NYAP2: variants seen among roughly 807,000 people sequenced by gnomAD.
NYAP2 encodes the protein neuronal tyrosine-phosphorylated phosphoinositide-3-kinase adapter 2.
NYAP2 carries 23 observed loss-of-function variants against 50.4 expected under a neutral mutation model. That is an observed-to-expected ratio of 0.46 (90% CI 0.33 to 0.65). NYAP2 has a LOEUF of 0.65. NYAP2 is among the 30% of genes least tolerant of loss of function. The pLI is 0.02. For missense variants in NYAP2, 885 were observed against 861.0 expected, an observed-to-expected ratio of 1.03 and a Z score of -0.35; for synonymous variants, 394 against 365.2, an observed-to-expected ratio of 1.08 and a Z score of -0.90.
intron 5 of NYAP2, among the ~76,000 whole-genome samples, chr2:225,623,261 G>C (rs1327223484): frequency 6.6e-6 from 1 of 152,110 alleles, no homozygotes; most frequent in Non-Finnish European, 1.5e-5. Context: ...AGGCTTTATG[G>C]GGGAAAAAAT....
chr2:225,638,390 T>TG (rs1165428659), intron 6 of NYAP2, among the ~76,000 whole-genome samples: 3 of 152,030 alleles, frequency 2.0e-5, no homozygotes, highest in Non-Finnish European at 4.4e-5. Context: ...CACAAGAGAC[T>TG]GGGTGAATGG....
intron 5 of NYAP2, among the ~76,000 whole-genome samples, chr2:225,594,692 T>C (rs184341439): frequency 1.4e-3 from 218 of 152,332 alleles, no homozygotes; most frequent in Non-Finnish European, 1.0e-3. Context: ...GAAAAGCTTT[T>C]CTCAGTTTTT....
intron 6 of NYAP2, among the ~76,000 whole-genome samples, chr2:225,635,812 A>G (rs1204434185): frequency 6.6e-6 from 1 of 152,198 alleles, no homozygotes; most frequent in Non-Finnish European, 1.5e-5. Flanking sequence ...GTTATCAAAT[A>G]AGTAATCCTA....
chr2:225,616,321 A>G (rs931166966), intron 5 of NYAP2, among the ~76,000 whole-genome samples: 3 of 152,204 alleles, frequency 2.0e-5, no homozygotes, highest in Non-Finnish European at 4.4e-5. Flanking sequence ...AATGAAATAT[A>G]AAAATATGCC....
chr2:225,688,600 A>T, the NYAP2 span, among the ~76,000 whole-genome samples: 1 of 152,136 alleles, frequency 6.6e-6, no homozygotes, highest in African/African-American at 2.4e-5. Flanking sequence ...AACCTATTTT[A>T]TTATTTTCAT....
At chr2:225,533,684 G>T (rs1179464066) in intron 4 of NYAP2, among the ~76,000 whole-genome samples, 1 of 149,748 alleles carries the variant, frequency 6.7e-6, no homozygotes, top group Non-Finnish European at 1.5e-5. Context: ...GCAAGACTCT[G>T]TCTCAAAAAA....
chr2:225,399,519 A>G (rs1279415341), upstream of NYAP2, among the ~76,000 whole-genome samples: 1 of 152,052 alleles, frequency 6.6e-6, no homozygotes, highest in Admixed American at 6.6e-5. Flanking sequence ...ATTATTTTGC[A>G]TCTTATTTTA....
At chr2:225,526,097 C>T (rs1336016394) in intron 4 of NYAP2, among the ~76,000 whole-genome samples, 1 of 152,210 alleles carries the variant, frequency 6.6e-6, no homozygotes, top group African/African-American at 2.4e-5. Context: ...GAAGATTCAG[C>T]TTGGCTGCTA....
chr2:225,471,286 G>A (rs1216773444), intron 3 of NYAP2, among the ~76,000 whole-genome samples: 1 of 152,210 alleles, frequency 6.6e-6, no homozygotes, highest in East Asian at 1.9e-4. Flanking sequence ...ACACGTGAGT[G>A]AATGTGGTGA....
At chr2:225,617,187 G>A (rs1693004177) in intron 5 of NYAP2, among the ~76,000 whole-genome samples, 1 of 152,158 alleles carries the variant, frequency 6.6e-6, no homozygotes, top group South Asian at 2.1e-4. Flanking sequence ...AGCACTTTGG[G>A]TGGCCAAGGC....
intron 3 of NYAP2, among the ~76,000 whole-genome samples, chr2:225,505,501 T>G (rs1323172219): frequency 6.6e-6 from 1 of 152,196 alleles, no homozygotes; most frequent in African/African-American, 2.4e-5. Flanking sequence ...TTAAAAACTA[T>G]ATATGGGGCA....
At chr2:225,541,589 G>A (rs1486116965) in intron 4 of NYAP2, among the ~76,000 whole-genome samples, 2 of 151,894 alleles carry the variant, frequency 1.3e-5, no homozygotes, top group Admixed American at 1.3e-4. Context: ...TTGTTGAAGA[G>A]GATTTTACTT....
chr2:225,555,963 CTGT>C, intron 4 of NYAP2, among the ~76,000 whole-genome samples: 1 of 152,142 alleles, frequency 6.6e-6, no homozygotes, highest in East Asian at 1.9e-4. Context: ...TTACCCTGCT[CTGT>C]TGTTTCTATA....
chr2:225,685,170 T>C, the NYAP2 span, among the ~76,000 whole-genome samples: 1 of 152,180 alleles, frequency 6.6e-6, no homozygotes, highest in African/African-American at 2.4e-5. Context: ...TGTTCTTGAG[T>C]ATTAGTATGT....
intron 6 of NYAP2, among the ~76,000 whole-genome samples, chr2:225,641,849 A>G (rs998293389): frequency 2.0e-5 from 3 of 152,006 alleles, no homozygotes; most frequent in Admixed American, 1.3e-4. Context: ...TAGTCAATGT[A>G]ATTTAGATTT....
At chr2:225,564,758 T>C (rs1691934452) in intron 4 of NYAP2, among the ~76,000 whole-genome samples, 1 of 151,838 alleles carries the variant, frequency 6.6e-6, no homozygotes, top group Non-Finnish European at 1.5e-5. Flanking sequence ...ATATTCTCTA[T>C]TTTTTTAACA....
chr2:225,601,739 T>G (rs181942725), intron 5 of NYAP2, among the ~76,000 whole-genome samples: 15 of 152,260 alleles, frequency 9.9e-5, no homozygotes, highest in Admixed American at 5.9e-4. Context: ...GTTACTTGAT[T>G]TCTTTTTGTT....
At chr2:225,604,385 G>A (rs1692749631) in intron 5 of NYAP2, among the ~76,000 whole-genome samples, 1 of 152,058 alleles carries the variant, frequency 6.6e-6, no homozygotes, top group Admixed American at 6.6e-5. Context: ...CGTTACAGCT[G>A]GGGCTCAATA....
chr2:225,657,304 G>A (rs1056700645), downstream of NYAP2, among the ~76,000 whole-genome samples: 6 of 151,750 alleles, frequency 4.0e-5, no homozygotes, highest in Admixed American at 2.6e-4. Context: ...TAGAGACGGG[G>A]TTTCACCATG....
Sources: gnomAD v4.1 joint callset for allele counts (sites outside exome capture counted in the v4.1 genomes callset) on GRCh38, gnomAD v4.1.1 for gene constraint, MANE v1.5 for transcripts, NCBI Gene and HGNC (gene_info 2026-07-23, HGNC 2026-07-21) for gene names.